Variants in IL1RAPL1 observed in about 807,000 individuals in gnomAD.
IL1RAPL1 encodes the protein interleukin 1 receptor accessory protein like 1.
A neutral mutation model predicts 48.4 loss-of-function variants in IL1RAPL1; 3 were observed. The ratio of observed to expected loss-of-function variants is 0.06; its 90% CI spans 0.03 to 0.16. IL1RAPL1 has a LOEUF of 0.16. IL1RAPL1 is among the 10% of genes least tolerant of loss of function. The pLI is 1.00. For missense variants in IL1RAPL1, 349 were observed against 530.6 expected, an observed-to-expected ratio of 0.66 and a Z score of 3.36; for synonymous variants, 185 against 187.7, an observed-to-expected ratio of 0.99 and a Z score of 0.12.
At chrX:29,885,045 C>T (rs866219276) in intron 6 of IL1RAPL1, among the ~76,000 whole-genome samples, 2 of 110,899 alleles carry the variant, frequency 1.8e-5, no homozygotes, top group African/African-American at 3.3e-5. Context: ...TTCATCCCCC[C>T]GTCTTAGCAT....
intron 3 of IL1RAPL1, among the ~76,000 whole-genome samples, chrX:29,325,081 C>A (rs1274286361): frequency 9.0e-6 from 1 of 111,702 alleles, no homozygotes; most frequent in Non-Finnish European, 1.9e-5. Flanking sequence ...TTCACTTGAA[C>A]AGATTTTAGA....
intron 5 of IL1RAPL1, among the ~76,000 whole-genome samples, chrX:29,587,175 T>C (rs772451866): frequency 3.6e-5 from 4 of 111,381 alleles, no homozygotes; most frequent in Non-Finnish European, 5.6e-5. Context: ...AGTTATTCTT[T>C]CATGTGTTAT....
intron 5 of IL1RAPL1, among the ~76,000 whole-genome samples, chrX:29,625,245 A>G (rs1050181692): frequency 6.2e-5 from 7 of 112,082 alleles, no homozygotes; most frequent in African/African-American, 1.9e-4. Context: ...TATAATTTGT[A>G]ACATCAGTAA....
intron 2 of IL1RAPL1, among the ~76,000 whole-genome samples, chrX:29,129,599 T>A (rs1031222090): frequency 1.2e-5 from 1 of 82,069 alleles, no homozygotes; most frequent in Admixed American, 1.4e-4. Flanking sequence ...TTTTTTTTTT[T>A]TTTTTTTTTT....
chrX:29,024,387 G>C (rs190960441), intron 2 of IL1RAPL1, among the ~76,000 whole-genome samples: 1 of 111,713 alleles, frequency 9.0e-6, no homozygotes, highest in Non-Finnish European at 1.9e-5. Flanking sequence ...GTGATAGATT[G>C]AATCACGTAG....
At chrX:29,016,462 A>G (rs1926242872) in intron 2 of IL1RAPL1, among the ~76,000 whole-genome samples, 1 of 111,566 alleles carries the variant, frequency 9.0e-6, no homozygotes, top group South Asian at 3.7e-4. Flanking sequence ...AAAATTCCAT[A>G]TGTTACTCTA....
chrX:29,204,182 G>A (rs1034544690), intron 2 of IL1RAPL1, among the ~76,000 whole-genome samples: 1 of 111,833 alleles, frequency 8.9e-6, no homozygotes, highest in Admixed American at 9.6e-5. Flanking sequence ...CAAGAAACAG[G>A]AGTGAGAATA....
At chrX:29,823,426 T>C (rs1821351877) in intron 6 of IL1RAPL1, among the ~76,000 whole-genome samples, 1 of 111,914 alleles carries the variant, frequency 8.9e-6, no homozygotes, top group South Asian at 3.7e-4. Flanking sequence ...GCTACCTCAC[T>C]TTTCTGGAAA....
chrX:29,889,352 C>T (rs754133732), intron 6 of IL1RAPL1, among the ~76,000 whole-genome samples: 1 of 111,747 alleles, frequency 8.9e-6, no homozygotes, highest in Admixed American at 9.5e-5. Context: ...ATATTTCCAC[C>T]AGTTTGAAAT....
intron 6 of IL1RAPL1, among the ~76,000 whole-genome samples, chrX:29,690,550 G>A (rs901390517): frequency 4.5e-5 from 5 of 110,996 alleles, no homozygotes; most frequent in African/African-American, 1.6e-4. Context: ...TAGAGTTTAG[G>A]TTGCCGTGTT....
intron 5 of IL1RAPL1, among the ~76,000 whole-genome samples, chrX:29,562,077 T>TA (rs778811923): frequency 2.2e-4 from 20 of 90,650 alleles, no homozygotes; most frequent in Non-Finnish European, 3.4e-4. Context: ...TCTATCTATC[T>TA]ATCTAATCTA....
At chrX:29,096,604 T>C (rs927623838) in intron 2 of IL1RAPL1, among the ~76,000 whole-genome samples, 1 of 111,463 alleles carries the variant, frequency 9.0e-6, no homozygotes, top group Non-Finnish European at 1.9e-5. Flanking sequence ...ATAATCTATT[T>C]AGGTCCTAGT....
intron 1 of IL1RAPL1, among the ~76,000 whole-genome samples, chrX:28,749,039 A>G (rs1460702041): frequency 1.8e-5 from 2 of 112,164 alleles, no homozygotes; most frequent in Admixed American, 9.5e-5. Context: ...TGTGCCTGGC[A>G]TACTCAGCAT....
At chrX:29,804,451 C>T (rs1930204438) in intron 6 of IL1RAPL1, among the ~76,000 whole-genome samples, 1 of 111,720 alleles carries the variant, frequency 9.0e-6, no homozygotes, top group African/African-American at 3.3e-5. Context: ...AGGGTGGGGC[C>T]AGGTGGAGAT....
At chrX:29,181,640 C>T (rs1463045958) in intron 2 of IL1RAPL1, among the ~76,000 whole-genome samples, 1 of 111,534 alleles carries the variant, frequency 9.0e-6, no homozygotes, top group Admixed American at 9.6e-5. Context: ...CAGCAGTGAA[C>T]CAAACATACC....
chrX:28,873,641 C>T (rs1335788719), intron 2 of IL1RAPL1, among the ~76,000 whole-genome samples: 1 of 105,700 alleles, frequency 9.5e-6, no homozygotes, highest in Non-Finnish European at 1.9e-5. Flanking sequence ...ACGCCATTCT[C>T]CTGCCTCAGC....
At chrX:29,277,413 A>T (rs138371594) in intron 2 of IL1RAPL1, among the ~76,000 whole-genome samples, 1 of 112,119 alleles carries the variant, frequency 8.9e-6, no homozygotes, top group African/African-American at 3.2e-5. Flanking sequence ...TCCCACACAG[A>T]TGCATGGGAC....
chrX:29,564,746 G>A (rs763566226), intron 5 of IL1RAPL1, among the ~76,000 whole-genome samples: 1 of 112,871 alleles, frequency 8.9e-6, no homozygotes, highest in Non-Finnish European at 1.9e-5. Context: ...TAAGGAGGCT[G>A]AGTTAGCAAA....
chrX:28,606,876 A>G (rs897376800), intron 1 of IL1RAPL1, among the ~76,000 whole-genome samples: 2 of 111,290 alleles, frequency 1.8e-5, no homozygotes, highest in Non-Finnish European at 3.8e-5. Context: ...ATTCTTTTCC[A>G]TGTTTTATAA....
Sources: gnomAD v4.1 joint callset for allele counts (sites outside exome capture counted in the v4.1 genomes callset) on GRCh38, gnomAD v4.1.1 for gene constraint, MANE v1.5 for transcripts, NCBI Gene and HGNC (gene_info 2026-07-23, HGNC 2026-07-21) for gene names.